The following AATK variants were observed in gnomAD, a reference collection of about 807,000 sequenced individuals.
AATK encodes serine/threonine-protein kinase LMTK1.
AATK carries 91 observed loss-of-function variants against 114.3 expected under a neutral mutation model. The ratio of observed to expected loss-of-function variants is 0.80; its 90% confidence interval spans 0.67 to 0.95. The LOEUF (loss-of-function observed/expected upper bound fraction) is 0.95, where lower values mean the gene tolerates loss of function less well. Ranked by LOEUF, AATK falls within the 40% of genes least tolerant of loss-of-function variation. AATK has a pLI of 0.00. For missense variants in AATK, 2,176 were observed against 1,965.2 expected (o/e 1.11, Z -2.03); for synonymous variants, 1,075 against 916.5 (o/e 1.17, Z -3.12).
chr17:81,127,618 T>C lies in AATK; in HGVS notation c.586A>G (p.Thr196Ala). 6.2e-7 allele frequency: 1 copy of C among 1,602,230 alleles called. No homozygotes were observed. The highest frequency in any genetic ancestry group is 1.7e-5 in the Admixed American group (1 of 58,640). Residue 196 changes from threonine (T) to alanine (A), a missense_variant, in exon 6 of 14, where the codon ACG (threonine) becomes GCG (alanine). Physicochemically the swap from Thr to Ala is moderately conservative, Grantham distance 58. Transcript: ENST00000326724. ...LQCLAQCAEV[T>A]PYLLVMEFCP... is the part of the protein sequence containing the mutation. Reference sequence around the variant, plus strand: ...AACTCCATCACCAGCAGGTAGGGCGTCACCTCGGCGCACTGGGCCAGGCAC... The same window carrying C: ...AACTCCATCACCAGCAGGTAGGGCGCCACCTCGGCGCACTGGGCCAGGCAC...
chr17:81,127,448 G>A, intron 6 of AATK, 135 bp downstream of exon 6: 1 of 845,594 alleles, frequency 1.2e-6, no homozygotes, highest in East Asian at 2.7e-5. Flanking sequence ...GGAAGGTGGT[G>A]GGGGCAGGGT....
chr17:81,119,689 A>G, intron 12 of AATK, 109 bp from the exon 13 acceptor site: 1 of 786,658 alleles, frequency 1.3e-6, no homozygotes. Context: ...TCACGGGCCC[A>G]GGCCCCGCCT....
rs763556173 is a variant in AATK at position 81,125,019 on chromosome 17, A to AGGCAGGGGCAGG, written c.756-17_756-6dup. 11 of 1,418,936 alleles carry AGGCAGGGGCAGG rather than the reference A, an allele frequency of 7.8e-6. No homozygotes were observed. Among genetic ancestry groups the AGGCAGGGGCAGG allele is most frequent in the Middle Eastern group, 4.1e-4 (2 of 4,910 alleles). 87.9% of individuals were successfully genotyped at this position (1,418,936 alleles called of 1,614,324 possible). On this transcript the variant is annotated splice_polypyrimidine_tract_variant and splice_region_variant and intron_variant, in intron 7 of 13. Coordinates refer to ENST00000326724, the MANE Select transcript of AATK (RefSeq NM_001080395.3). ...CAGTTCCGCAGGGCCAGGTCGCTGC[A>AGGCAGGGGCAGG]GGCAGGGGCAGGGGCAGGGGCAGGG...
intron 1 of AATK, chr17:81,165,621 A>C (rs1247360645): frequency 6.9e-7 from 1 of 1,443,500 alleles, no homozygotes; most frequent in African/African-American, 1.4e-5. Context: ...AAGGGCCCTT[A>C]GTCTGAGACC....
At position 81,121,895 on chromosome 17, in the gene AATK, T is replaced by C. The variant is rs746573327; in HGVS notation, c.2041A>G (p.Asn681Asp). The C allele has an allele frequency of 3.7e-6, 6 of 1,600,746 alleles. No individual in the cohort carries two copies. Among genetic ancestry groups the C allele is most frequent in the South Asian group, 2.2e-5 (2 of 91,012 alleles). ...RAAQRGHWRS[N>D]VSANNNSGSR... ...CCGCTGTTGTTGTTGGCTGACACGT[T>C]GGAGCGCCAGTGCCCGCGCTGGGCG... The change falls in exon 11 of 14, where the codon AAC (asparagine) becomes GAC (aspartate). Residue 681 changes from asparagine (N) to aspartate (D), a missense_variant. Coordinates refer to ENST00000326724, the MANE Select transcript of AATK (RefSeq NM_001080395.3).
At chr17:81,165,914 C>G (rs543716996) in intron 1 of AATK, 24 bp downstream of exon 1, 2 of 1,567,696 alleles carry the variant, frequency 1.3e-6, no homozygotes, top group Non-Finnish European at 1.7e-6. Context: ...CAGCGGCGCG[C>G]AGGCCGGGCC....
chr17:81,121,953 C>T lies in AATK; in HGVS notation c.1983G>A (p.Glu661=), dbSNP rs779382765. 2 of 1,599,814 alleles carry T rather than the reference C, an allele frequency of 1.3e-6. No homozygotes were observed. Among genetic ancestry groups the T allele is most frequent in the East Asian group, 2.2e-5 (1 of 44,726 alleles). ...SGAPPLPLTG[E]DELEEVGARR... is the part of the protein sequence containing the mutation. Reference sequence around the variant, plus strand: ...GCGCTCCCACCTCCTCTAGCTCATCCTCGCCAGTCAGCGGCAGCGGGGGCG... The same window carrying T: ...GCGCTCCCACCTCCTCTAGCTCATCTTCGCCAGTCAGCGGCAGCGGGGGCG... Residue 661 remains glutamate (E), a synonymous_variant, in exon 11 of 14, where the codon GAG becomes GAA. Transcript: ENST00000326724.
chr17:81,131,264 G>C, intron 2 of AATK, 59 bp from the exon 3 acceptor site: 1 of 1,492,056 alleles, frequency 6.7e-7, no homozygotes, highest in South Asian at 1.3e-5. Flanking sequence ...GGTGTGGCTG[G>C]GCCTGGAAAG....
At position 81,121,857 on chromosome 17, in the gene AATK, T is replaced by C. The variant is rs1348096410; in HGVS notation, c.2079A>G (p.Pro693=). ...CCGCAGAGACGGGGTCCCAGGACTC[T>C]GGACAGCGGCTGCCGCTGTTGTTGT... The part of the protein sequence containing the change: ...SANNNSGSRC[P]ESWDPVSAGG... The change falls in exon 11 of 14, where the codon CCA becomes CCG. Residue 693 remains proline (P), a synonymous_variant. Coordinates refer to ENST00000326724, the MANE Select transcript of AATK (RefSeq NM_001080395.3). 3.8e-6 allele frequency: 6 copies of C among 1,597,446 alleles called. No individual in the cohort carries two copies. The highest frequency in any genetic ancestry group is 2.2e-5 in the East Asian group (1 of 44,722).
chr17:81,121,134 C>T lies in AATK; in HGVS notation c.2802G>A (p.Ala934=), dbSNP rs768223109. 2.2e-5 allele frequency: 35 copies of T among 1,605,182 alleles called. No individual in the cohort carries two copies. Among genetic ancestry groups the T allele is most frequent in the Admixed American group, 1.7e-5 (1 of 59,350 alleles). The change falls in exon 11 of 14, where the codon GCG becomes GCA. Residue 934 remains alanine (A), a synonymous_variant. Coordinates refer to ENST00000326724, the MANE Select transcript of AATK (RefSeq NM_001080395.3). ...ATGPSGGQPR[A]LDSGYDTENY... is the part of the protein sequence containing the mutation. ...TCTCGGTGTCATAGCCACTGTCCAG[C>T]GCTCGCGGCTGCCCTCCAGAGGGGC... is the stretch of plus-strand genomic sequence containing the variant.
intron 1 of AATK, among the ~76,000 whole-genome samples, chr17:81,137,751 C>T (rs1224179709): frequency 2.6e-5 from 4 of 151,988 alleles, no homozygotes; most frequent in African/African-American, 9.7e-5. Context: ...GCACACGTAG[C>T]ATGCATACAA....
intron 1 of AATK, among the ~76,000 whole-genome samples, chr17:81,151,488 G>A (rs533122219): frequency 2.1e-3 from 314 of 152,132 alleles, no homozygotes; most frequent in African/African-American, 6.7e-3. Context: ...GCCACCTGAC[G>A]CCAGGCCCCC....
chr17:81,123,063 G>A (rs1003370990), intron 10 of AATK, 131 bp downstream of exon 10: 30 of 1,091,580 alleles, frequency 2.7e-5, no homozygotes, highest in Non-Finnish European at 3.5e-5. Context: ...GGCGGGTGGA[G>A]GCCCTACCAG....
At chr17:81,164,427 C>T (rs2061461683) in intron 1 of AATK, among the ~76,000 whole-genome samples, 1 of 152,238 alleles carries the variant, frequency 6.6e-6, no homozygotes, top group Non-Finnish European at 1.5e-5. Context: ...GTGCCTGCAG[C>T]TCTGGCCCAG....
At chr17:81,152,537 T>C (rs971269725) in intron 1 of AATK, among the ~76,000 whole-genome samples, 1 of 152,124 alleles carries the variant, frequency 6.6e-6, no homozygotes, top group Non-Finnish European at 1.5e-5. Context: ...TGAGCCACCA[T>C]TGCACCAGTG....
At chr17:81,128,342 C>A in intron 4 of AATK, 128 bp downstream of exon 4, 1 of 1,194,314 alleles carries the variant, frequency 8.4e-7, no homozygotes, top group Non-Finnish European at 1.2e-6. Flanking sequence ...GGGGAAGGGT[C>A]CAGCAGGGCC....
Position 81,164,784 on chromosome 17 carries a change from C to T in AATK, c.55+1154G>A, listed in dbSNP as rs548407520. ...TTGCCGTGGCTGTTGGGCTCTGAGC[C>T]TTCACCTGCCCACCCCACAGGGACT... On this transcript the variant is annotated intron_variant, in intron 1 of 13. Transcript: ENST00000326724. Among the ~76,000 whole-genome samples, 218 of 152,284 alleles carry T rather than the reference C, an allele frequency of 1.4e-3. 1 individual carries two copies. The highest frequency in any genetic ancestry group is 3.9e-3 in the East Asian group (20 of 5,170).
intron 1 of AATK, among the ~76,000 whole-genome samples, chr17:81,146,056 G>A (rs1209298573): frequency 2.0e-5 from 3 of 151,858 alleles, no homozygotes; most frequent in Non-Finnish European, 4.4e-5. Context: ...GGGCGTGGTG[G>A]CGGACACCTG....
In AATK at chr17:81,120,212, G is replaced by A. The variant is rs1025394136; in HGVS notation, c.3724C>T (p.Leu1242Phe). Reference protein sequence around the residue: ...VSFFDDVTVYLFDQESPTREL... With the variant: ...VSFFDDVTVYFFDQESPTREL... ...TGGCGGCGGCCCACCTGGTCAAAGA[G>A]GTAGACGGTGACGTCGTCGAAGAAG... The change falls in exon 11 of 14, where the codon CTC (leucine) becomes TTC (phenylalanine). Residue 1242 changes from leucine (L) to phenylalanine (F), a missense_variant. Leu to Phe is a conservative substitution (Grantham distance 22). Coordinates refer to ENST00000326724, the MANE Select transcript of AATK (RefSeq NM_001080395.3). 1 of 1,579,310 alleles carries A rather than the reference G, an allele frequency of 6.3e-7. No individual in the cohort carries two copies. Among genetic ancestry groups the A allele is most frequent in the Non-Finnish European group, 8.7e-7 (1 of 1,156,018 alleles).
Sources: gnomAD v4.1 joint callset for allele counts (sites outside exome capture counted in the v4.1 genomes callset) on GRCh38, gnomAD v4.1.1 for gene constraint, MANE v1.5 for transcripts, NCBI Gene and HGNC (gene_info 2026-07-23, HGNC 2026-07-21) for gene names.